ZMYND19: variants seen among roughly 807,000 people sequenced by gnomAD.
ZMYND19 encodes the protein zinc finger MYND domain-containing protein 19.
Under a neutral mutation model 32.0 loss-of-function variants are expected in ZMYND19, and 17 were observed. The observed-to-expected ratio is 0.53, with a 90% CI of 0.36 to 0.80. ZMYND19 has a LOEUF of 0.80. Ranked by LOEUF, ZMYND19 falls within the 30% of genes least tolerant of loss-of-function variation. The probability of loss-of-function intolerance (pLI) is 0.00; values close to 1 mark genes in which losing one functional copy is unlikely to be tolerated. For missense variants in ZMYND19, 250 were observed against 293.6 expected (o/e 0.85, Z 1.09); for synonymous variants, 124 against 113.6 (o/e 1.09, Z -0.58).
intron 5 of ZMYND19, 136 bp downstream of exon 5, chr9:137,582,847 A>G (rs1393173730): frequency 6.7e-7 from 1 of 1,502,286 alleles, no homozygotes; most frequent in African/African-American, 1.4e-5. Flanking sequence ...AAGGGAGACC[A>G]CTCTGGTGGA....
chr9:137,583,359 C>T (rs530968347), intron 4 of ZMYND19, among the ~76,000 whole-genome samples, 196 bp from the exon 5 acceptor site: 2 of 152,176 alleles, frequency 1.3e-5, no homozygotes, highest in South Asian at 2.1e-4. Context: ...CCCACTAACC[C>T]GTAAGCATGG....
At chr9:137,589,451 G>A (rs1461313696) in intron 1 of ZMYND19, 1 of 985,310 alleles carries the variant, frequency 1.0e-6, no homozygotes, top group African/African-American at 1.7e-5. Context: ...ACCAAAAGCC[G>A]CAGCCGCTGG....
chr9:137,586,476 G>A (rs1588973667), intron 4 of ZMYND19, among the ~76,000 whole-genome samples: 2 of 150,940 alleles, frequency 1.3e-5, no homozygotes, highest in South Asian at 2.1e-4. Context: ...AAGGAATCCC[G>A]AGGTGAGAGA....
At chr9:137,586,769 C>T (rs913368916) in intron 4 of ZMYND19, among the ~76,000 whole-genome samples, 198 bp downstream of exon 4, 2 of 152,240 alleles carry the variant, frequency 1.3e-5, no homozygotes, top group African/African-American at 2.4e-5. Context: ...CAAAAACACA[C>T]ACCATCAAGA....
At chr9:137,585,823 C>T (rs768709139) in intron 4 of ZMYND19, among the ~76,000 whole-genome samples, 2 of 152,270 alleles carry the variant, frequency 1.3e-5, no homozygotes, top group Non-Finnish European at 2.9e-5. Context: ...CAACCATCAC[C>T]AAGCCCGAAA....
At chr9:137,583,732 A>G (rs1048649038) in intron 4 of ZMYND19, among the ~76,000 whole-genome samples, 14 of 152,324 alleles carry the variant, frequency 9.2e-5, no homozygotes, top group African/African-American at 3.1e-4. Context: ...CGTTCTCCGA[A>G]GCCAGACCCT....
chr9:137,582,895 G>C lies in ZMYND19; in HGVS notation c.540+88C>G. On this transcript the variant is annotated intron_variant, in intron 5 of 5. Transcript: ENST00000298585. ...GTGCTAAGCGGTCTCTGGGGAATGGGACCCCGCGGTGGAGGGCAAGATCCC... is the reference window on the plus strand; with the variant it reads ...GTGCTAAGCGGTCTCTGGGGAATGGCACCCCGCGGTGGAGGGCAAGATCCC... The C allele has an allele frequency of 1.9e-6, 3 of 1,558,814 alleles. No homozygotes were observed. In the South Asian group the frequency reaches 3.6e-5, roughly 19 times the overall value.
Position 137,582,414 on chromosome 9 carries a change from G to T in ZMYND19, c.*129C>A. The T allele has an allele frequency of 7.6e-7, 1 of 1,316,926 alleles. No homozygotes were observed. The highest frequency in any genetic ancestry group is 1.5e-5 in the African/African-American group (1 of 68,082). The allele number at this position is 1,316,926 out of a possible 1,614,324, so 81.6% of individuals were successfully genotyped here. A position where few individuals can be genotyped will look rare whatever the true frequency, so the allele number is the denominator to read the frequency against. On this transcript the variant is annotated 3_prime_UTR_variant, in exon 6 of 6. Transcript: ENST00000298585. ...CCACACAGACTGCCTGTGACATCGG[G>T]AGTCTCACGGCAGCTGTCCTGGGCC...
At chr9:137,587,997 A>C (rs1026956964) in intron 2 of ZMYND19, among the ~76,000 whole-genome samples, 174 bp from the exon 3 acceptor site, 2 of 152,252 alleles carry the variant, frequency 1.3e-5, no homozygotes, top group African/African-American at 2.4e-5. Context: ...CCCAGGGGCC[A>C]GCGTGGCCCA....
chr9:137,587,323 G>A lies in ZMYND19; in HGVS notation c.219-216C>T, dbSNP rs911900857. ...GGCCCAAACAGGACAGGGACACAGG[G>A]AGGACCCGGCCCCTGGACTTCAGAG... On this transcript the variant is annotated intron_variant, in intron 3 of 5. Transcript: ENST00000298585. 9 of 757,184 alleles carry A rather than the reference G, an allele frequency of 1.2e-5. No individual in the cohort carries two copies. In the Admixed American group the frequency reaches 2.1e-4, roughly 18 times the overall value. 46.9% of individuals were successfully genotyped at this position (757,184 alleles called of 1,614,324 possible).
rs773768404 is a variant in ZMYND19, at chr9:137,587,094, C to A, written c.232G>T (p.Gly78Trp). 2 of 1,605,922 alleles carry A rather than the reference C, an allele frequency of 1.2e-6. No individual in the cohort carries two copies. Among genetic ancestry groups the A allele is most frequent in the Non-Finnish European group, 8.5e-7 (1 of 1,179,966 alleles). ...LHELLWERHR[G>W]GVAPGFQVVH... ...ACCTGGAAGCCCGGGGCCACGCCCCCCCGGTGCCGCTCCCTAGAAACAGAC... is the reference window on the plus strand; with the variant it reads ...ACCTGGAAGCCCGGGGCCACGCCCCACCGGTGCCGCTCCCTAGAAACAGAC... Residue 78 changes from glycine to tryptophan, a missense_variant, in exon 4 of 6, where the codon GGG (glycine) becomes TGG (tryptophan). Transcript: ENST00000298585.
At chr9:137,587,159 C>T (rs2133301316) in intron 3 of ZMYND19, 52 bp from the exon 4 acceptor site, 7 of 1,584,604 alleles carry the variant, frequency 4.4e-6, no homozygotes, top group Non-Finnish European at 5.1e-6. Flanking sequence ...TGCCTCCCAC[C>T]CTCACAGACA....
chr9:137,587,956 G>A, intron 2 of ZMYND19, 133 bp from the exon 3 acceptor site: 1 of 873,834 alleles, frequency 1.1e-6, no homozygotes, highest in Admixed American at 2.0e-5. Context: ...GAGACCCTGG[G>A]GAGTGCAGAG....
intron 3 of ZMYND19, chr9:137,587,366 G>A: frequency 3.2e-6 from 2 of 624,556 alleles, no homozygotes; most frequent in Non-Finnish European, 2.7e-6. Context: ...AGCCAAAGCT[G>A]GAACGCAAAA....
intron 1 of ZMYND19, chr9:137,589,381 T>G (rs1564492273): frequency 6.1e-6 from 6 of 985,440 alleles, no homozygotes; most frequent in Non-Finnish European, 7.2e-6. Context: ...CAGTTTTTCT[T>G]CTGGGATCTG....
At chr9:137,583,308 G>T in intron 4 of ZMYND19, 145 bp from the exon 5 acceptor site, 2 of 822,240 alleles carry the variant, frequency 2.4e-6, no homozygotes, top group Non-Finnish European at 1.9e-6. Flanking sequence ...CCTGCTGCAT[G>T]TGCTTTTCAC....
At position 137,587,710 on chromosome 9, in the gene ZMYND19, C is replaced by T; in HGVS notation, c.218+7G>A. On this transcript the variant is annotated splice_region_variant and intron_variant, in intron 3 of 5. Coordinates refer to ENST00000298585, the MANE Select transcript of ZMYND19 (RefSeq NM_138462.3). ...GCGGGGGGCAGAGACAGCTTGGAAA[C>T]ACCCACCACAGCAGCTCATGAAGGA... is the stretch of plus-strand genomic sequence containing the variant. 2 of 1,613,596 alleles carry T rather than the reference C, an allele frequency of 1.2e-6. No homozygotes were observed. Among genetic ancestry groups the T allele is most frequent in the South Asian group, 1.1e-5 (1 of 91,064 alleles).
chr9:137,583,494 G>A (rs908982922), intron 4 of ZMYND19, among the ~76,000 whole-genome samples: 1 of 152,204 alleles, frequency 6.6e-6, no homozygotes, highest in African/African-American at 2.4e-5. Context: ...ACCTGCAGAG[G>A]TGCCCATTAC....
chr9:137,590,017 G>C lies in ZMYND19; in HGVS notation c.51+196C>G. 1.0e-6 allele frequency: 1 copy of C among 984,996 alleles called. No homozygotes were observed. The highest frequency in any genetic ancestry group is 1.2e-6 in the Non-Finnish European group (1 of 829,734). The allele number at this position is 984,996 out of a possible 1,614,324, so 61.0% of individuals were successfully genotyped here. On this transcript the variant is annotated intron_variant, in intron 1 of 5. Transcript: ENST00000298585. This position sits in a 1 kb window ranked among gnomAD's most constrained non-coding sequence, Gnocchi z 4.2. ...GGTGCACCCCAGAGCCGAGGGGTGCGTGCCCGCCGGCCTGCGAGAGGAAGC... is the reference window on the plus strand; with the variant it reads ...GGTGCACCCCAGAGCCGAGGGGTGCCTGCCCGCCGGCCTGCGAGAGGAAGC...
Sources: allele counts gnomAD v4.1 joint callset (sites outside exome capture counted in the v4.1 genomes callset), GRCh38; gene constraint gnomAD v4.1.1; non-coding constraint Gnocchi (gnomAD v3.1); transcripts MANE v1.5; gene names NCBI Gene and HGNC (gene_info 2026-07-23, HGNC 2026-07-21).